DCC: variants seen among roughly 807,000 people sequenced by gnomAD.
DCC encodes netrin receptor DCC.
A neutral mutation model predicts 172.5 loss-of-function variants in DCC; 58 were observed. The observed-to-expected ratio is 0.34, with a 90% CI of 0.27 to 0.42. DCC has a LOEUF of 0.42. Ranked by LOEUF, DCC falls within the 10% of genes least tolerant of loss-of-function variation. DCC has a pLI of 1.00. For missense variants in DCC, 1,740 were observed against 1,791.0 expected (o/e 0.97, Z 0.51); for synonymous variants, 709 against 644.5 (o/e 1.10, Z -1.52).
rs562348024 is a variant in DCC, at chr18:53,386,610, A to G, written c.2455+472A>G. ...GAGCTGGCCTTCTGGGGTGGTTTGC[A>G]TTAGGCTGAGTGACATATGTGGTAT... On this transcript the variant is annotated intron_variant, in intron 16 of 28. Coordinates refer to ENST00000442544, the MANE Select transcript of DCC (RefSeq NM_005215.4). Among the ~76,000 whole-genome samples the G allele has an allele frequency of 2.0e-3, 305 of 152,288 alleles. 2 individuals carry two copies. The highest frequency in any genetic ancestry group is 7.1e-3 in the African/African-American group (293 of 41,550).
chr18:52,856,195 G>A (rs577654317), intron 2 of DCC, among the ~76,000 whole-genome samples: 2 of 152,254 alleles, frequency 1.3e-5, no homozygotes, highest in South Asian at 4.1e-4. Context: ...TGCATGCCTT[G>A]AATAAGTAAG....
At chr18:53,355,912 C>T (rs948946277) in intron 15 of DCC, among the ~76,000 whole-genome samples, 1 of 151,980 alleles carries the variant, frequency 6.6e-6, no homozygotes, top group African/African-American at 2.4e-5. Flanking sequence ...TTTCATTATG[C>T]TTCTTCTGAT....
intron 1 of DCC, among the ~76,000 whole-genome samples, chr18:52,367,087 A>G (rs545126527): frequency 1.6e-4 from 24 of 152,334 alleles, no homozygotes; most frequent in African/African-American, 5.8e-4. Context: ...AATCGAGCGC[A>G]GCGCCGGTGG....
At chr18:52,934,558 A>G (rs1224016212) in intron 5 of DCC, among the ~76,000 whole-genome samples, 2 of 152,126 alleles carry the variant, frequency 1.3e-5, no homozygotes, top group East Asian at 1.9e-4. Context: ...CTAACTTCCT[A>G]TCGAAATGTT....
intron 1 of DCC, among the ~76,000 whole-genome samples, chr18:52,516,044 A>G (rs1358301577): frequency 6.6e-6 from 1 of 152,100 alleles, no homozygotes; most frequent in African/African-American, 2.4e-5. Context: ...AATGGAAACC[A>G]CAATATAATG....
At chr18:52,375,102 C>A (rs1220460008) in intron 1 of DCC, among the ~76,000 whole-genome samples, 2 of 152,106 alleles carry the variant, frequency 1.3e-5, no homozygotes, top group East Asian at 3.9e-4. Flanking sequence ...TACGTGGTTG[C>A]CTTTTGACAA....
At chr18:53,154,633 G>A (rs967313119) in intron 7 of DCC, among the ~76,000 whole-genome samples, 6 of 152,192 alleles carry the variant, frequency 3.9e-5, no homozygotes, top group Admixed American at 3.3e-4. Context: ...GTCAATGGAA[G>A]CATGGCAGTG....
At chr18:53,329,041 A>C (rs1236758819) in intron 14 of DCC, among the ~76,000 whole-genome samples, 2 of 152,162 alleles carry the variant, frequency 1.3e-5, no homozygotes, top group Non-Finnish European at 2.9e-5. Context: ...CCCATCATCT[A>C]ATTAAGGTAT....
intron 5 of DCC, among the ~76,000 whole-genome samples, chr18:53,023,342 A>G (rs1462017396): frequency 1.4e-5 from 2 of 142,776 alleles, no homozygotes; most frequent in Non-Finnish European, 3.1e-5. Context: ...ATAATAAAAA[A>G]AAAACATAAA....
intron 12 of DCC, among the ~76,000 whole-genome samples, chr18:53,274,809 T>A (rs1435132347): frequency 2.0e-5 from 3 of 152,034 alleles, no homozygotes; most frequent in Non-Finnish European, 4.4e-5. Context: ...AGCATCAGGA[T>A]CACCTAGGAT....
At position 52,906,210 on chromosome 18, in the gene DCC, C is replaced by T. The variant is rs751754292; in HGVS notation, c.579C>T (p.Pro193=). Residue 193 remains proline (P), a synonymous_variant, in exon 3 of 29, where the codon CCC becomes CCT. Coordinates refer to ENST00000442544, the MANE Select transcript of DCC (RefSeq NM_005215.4). ...IPGDSRVVVL[P]SGALQISRLQ... ...GTGACTCCCGAGTGGTGGTCTTGCC[C>T]TCTGGAGCATTGCAGATCAGCCGAC... 1 of 1,613,878 alleles carries T rather than the reference C, an allele frequency of 6.2e-7. No individual in the cohort carries two copies. Among genetic ancestry groups the T allele is most frequent in the South Asian group, 1.1e-5 (1 of 91,062 alleles).
At chr18:53,350,239 C>T (rs750041181) in intron 15 of DCC, among the ~76,000 whole-genome samples, 28 of 152,064 alleles carry the variant, frequency 1.8e-4, no homozygotes, top group African/African-American at 2.7e-4. Flanking sequence ...ACTCGTTCAC[C>T]GCCATTGATG....
In DCC at chr18:53,512,474, G is replaced by A. The variant is rs532225680; in HGVS notation, c.4111+12964G>A. Among the ~76,000 whole-genome samples, 7 of 150,526 alleles carry A rather than the reference G, an allele frequency of 4.7e-5. 1 individual carries two copies. The South Asian group carries it at 1.1e-3, about 23-fold the overall frequency. On this transcript the variant is annotated intron_variant, in intron 27 of 28. Transcript: ENST00000442544. ...AAGCTGGATGGAGAATGACTTTGACGAGCTGAGAGAAGAAGGCTTCAGACG... is the reference window on the plus strand; with the variant it reads ...AAGCTGGATGGAGAATGACTTTGACAAGCTGAGAGAAGAAGGCTTCAGACG...
intron 2 of DCC, among the ~76,000 whole-genome samples, chr18:52,837,111 G>T (rs188261312): frequency 3.2e-4 from 49 of 152,268 alleles, no homozygotes; most frequent in African/African-American, 1.1e-3. Context: ...GGGAAACAGG[G>T]CACCAAGTCC....
chr18:52,406,579 A>C, intron 1 of DCC, among the ~76,000 whole-genome samples: 1 of 152,118 alleles, frequency 6.6e-6, no homozygotes, highest in East Asian at 1.9e-4. Context: ...ATAGTCCAGG[A>C]ATGATCCTCT....
chr18:52,661,070 C>T (rs1288521892), intron 1 of DCC, among the ~76,000 whole-genome samples: 1 of 152,068 alleles, frequency 6.6e-6, no homozygotes, highest in African/African-American at 2.4e-5. Flanking sequence ...TGGCAGGTAG[C>T]AAAAAGCAAA....
At chr18:52,417,026 A>G (rs549563129) in intron 1 of DCC, among the ~76,000 whole-genome samples, 1 of 152,208 alleles carries the variant, frequency 6.6e-6, no homozygotes, top group East Asian at 1.9e-4. Flanking sequence ...GTTCCTCTCC[A>G]TATTTAGTGC....
intron 2 of DCC, among the ~76,000 whole-genome samples, chr18:52,776,446 A>G (rs2037434573): frequency 6.6e-6 from 1 of 152,186 alleles, no homozygotes; most frequent in African/African-American, 2.4e-5. Flanking sequence ...GATCTGTTCT[A>G]TTTTTAAAAA....
At chr18:53,201,049 A>T (rs923084501) in intron 9 of DCC, among the ~76,000 whole-genome samples, 2 of 152,030 alleles carry the variant, frequency 1.3e-5, no homozygotes, top group East Asian at 1.9e-4. Context: ...GTCCATTTGA[A>T]TTGTGTCACA....
Sources: gnomAD v4.1 joint callset for allele counts (sites outside exome capture counted in the v4.1 genomes callset) on GRCh38, gnomAD v4.1.1 for gene constraint, MANE v1.5 for transcripts, NCBI Gene and HGNC (gene_info 2026-07-23, HGNC 2026-07-21) for gene names.